BCAS1: variants seen among roughly 807,000 people sequenced by gnomAD.
The protein encoded by BCAS1 is breast carcinoma-amplified sequence 1.
A neutral mutation model predicts 65.4 loss-of-function variants in BCAS1; 46 were observed. The observed-to-expected ratio is 0.70, with a 90% CI of 0.55 to 0.90. BCAS1 has a LOEUF of 0.90. Among genes scored for constraint, BCAS1 ranks in the 40% least tolerant of loss-of-function variants. The probability of loss-of-function intolerance (pLI) is 0.00; values close to 1 mark genes in which losing one functional copy is unlikely to be tolerated. For missense variants in BCAS1, 793 were observed against 771.2 expected (o/e 1.03, Z -0.33); for synonymous variants, 298 against 293.5 (o/e 1.02, Z -0.16).
intron 4 of BCAS1, among the ~76,000 whole-genome samples, chr20:53,999,739 C>CT (rs937863449): frequency 6.6e-5 from 10 of 150,978 alleles, no homozygotes; most frequent in Admixed American, 2.6e-4. Flanking sequence ...TCACTTTTTT[C>CT]TTTTTTTTTG....
intron 6 of BCAS1, among the ~76,000 whole-genome samples, chr20:53,993,455 T>C (rs1297254824): frequency 6.6e-6 from 1 of 152,208 alleles, no homozygotes; most frequent in African/African-American, 2.4e-5. Flanking sequence ...ACAACCTACA[T>C]TCACAAAACC....
intron 12 of BCAS1, among the ~76,000 whole-genome samples, chr20:53,946,043 G>C (rs1476741514): frequency 1.3e-5 from 2 of 152,054 alleles, no homozygotes; most frequent in African/African-American, 4.8e-5. Context: ...CAAAGTGATG[G>C]AGTTACAGGT....
chr20:54,015,669 T>C (rs918319805), intron 4 of BCAS1, among the ~76,000 whole-genome samples: 3 of 152,228 alleles, frequency 2.0e-5, no homozygotes, highest in African/African-American at 4.8e-5. Flanking sequence ...TAAAAAGTTG[T>C]TATTCTTTCT....
rs73625490 is a variant in BCAS1 at position 53,976,423 on chromosome 20, A to AT, written c.1276-994dup. Among the ~76,000 whole-genome samples the AT allele has an allele frequency of 4.0e-3, 585 of 147,286 alleles. 3 individuals carry two copies. The highest frequency in any genetic ancestry group is 0.01 in the African/African-American group (404 of 40,312). ...TATATCCATTTTGTTACTAAGTCCT[A>AT]TTTTTTTTTTTCCTTTAAGGCATCC... is the stretch of plus-strand genomic sequence containing the variant. On this transcript the variant is annotated intron_variant, in intron 8 of 12. Coordinates refer to ENST00000688948, the MANE Select transcript of BCAS1 (RefSeq NM_001366298.2).
chr20:54,002,478 G>C (rs924483181), intron 4 of BCAS1, among the ~76,000 whole-genome samples: 9 of 152,316 alleles, frequency 5.9e-5, no homozygotes, highest in African/African-American at 2.2e-4. Context: ...GTTAATAGTA[G>C]AGAGTGTTGA....
intron 10 of BCAS1, among the ~76,000 whole-genome samples, chr20:53,963,532 A>C (rs543233786): frequency 6.6e-6 from 1 of 152,264 alleles, no homozygotes; most frequent in East Asian, 1.9e-4. Context: ...AAAGCAGAAA[A>C]TCAATGATTT....
At position 53,992,873 on chromosome 20, in the gene BCAS1, G is replaced by A. The variant is rs138243046; in HGVS notation, c.928-227C>T. Among the ~76,000 whole-genome samples, 1,071 of 152,134 alleles carry A rather than the reference G, an allele frequency of 7.0e-3. 10 individuals carry two copies. The highest frequency in any genetic ancestry group is 0.041 in the South Asian group (196 of 4,814). On this transcript the variant is annotated intron_variant, in intron 6 of 12. Transcript: ENST00000688948. ...AACAGTGACCTATTTAAATGACCCA[G>A]ATGAACACACCTCAAAGCAAGACAG...
At chr20:54,058,049 C>T (rs929616769) in intron 3 of BCAS1, 36 bp downstream of exon 3, 3 of 1,533,076 alleles carry the variant, frequency 2.0e-6, no homozygotes, top group African/African-American at 1.4e-5. Flanking sequence ...CCCTTCCCCA[C>T]GAGAGGGTAG....
chr20:54,011,535 C>A (rs193158028), intron 4 of BCAS1, among the ~76,000 whole-genome samples: 1 of 152,068 alleles, frequency 6.6e-6, no homozygotes, highest in African/African-American at 2.4e-5. Flanking sequence ...AAAACCATAA[C>A]GAGACATCAC....
intron 12 of BCAS1, among the ~76,000 whole-genome samples, chr20:53,951,789 G>A (rs969743164): frequency 1.3e-5 from 2 of 152,196 alleles, no homozygotes; most frequent in African/African-American, 4.8e-5. Context: ...ATCAACATCT[G>A]CCTTCCTCAC....
chr20:54,046,397 C>T (rs555757127), intron 3 of BCAS1, among the ~76,000 whole-genome samples: 20 of 151,920 alleles, frequency 1.3e-4, no homozygotes, highest in East Asian at 5.8e-4. Context: ...GGTGTGGTGG[C>T]GGGCACCTGT....
chr20:54,066,361 C>T (rs568931246), intron 1 of BCAS1, among the ~76,000 whole-genome samples: 5 of 152,206 alleles, frequency 3.3e-5, no homozygotes, highest in South Asian at 2.1e-4. Context: ...CGTGAGCCAC[C>T]GGGCCCGGCC....
intron 3 of BCAS1, among the ~76,000 whole-genome samples, chr20:54,031,223 C>T (rs1436153729): frequency 1.3e-5 from 2 of 151,430 alleles, no homozygotes; most frequent in Non-Finnish European, 3.0e-5. Context: ...CCATGGACAA[C>T]CTTTTTTATT....
chr20:53,953,787 A>T (rs2089608965), intron 11 of BCAS1, 92 bp from the exon 12 acceptor site: 2 of 1,412,020 alleles, frequency 1.4e-6, no homozygotes, highest in Admixed American at 4.9e-5. Flanking sequence ...AGATGTTCAA[A>T]TGTTGGGTGG....
rs773574860 is a variant in BCAS1, at chr20:54,058,643, C to G, written c.72+4G>C. ...TGATGCCCCTGTAATGGTTACTACA[C>G]TACCTGGTAAGTCTCTGCTTCTGGT... On this transcript the variant is annotated splice_donor_region_variant and intron_variant, in intron 2 of 12. Transcript: ENST00000688948. 4 of 1,498,952 alleles carry G rather than the reference C, an allele frequency of 2.7e-6. No individual in the cohort carries two copies. In the East Asian group the frequency reaches 7.3e-5, roughly 27 times the overall value. The allele number at this position is 1,498,952 out of a possible 1,614,324, so 92.9% of individuals were successfully genotyped here. A position where few individuals can be genotyped will look rare whatever the true frequency, so the allele number is the denominator to read the frequency against.
In BCAS1 at chr20:54,028,704, G is replaced by C; in HGVS notation, c.411C>G (p.Ser137Arg). Residue 137 changes from serine to arginine, a missense_variant, in exon 4 of 13, where the codon AGC becomes AGG. Transcript: ENST00000688948. ...GTCCAGCTGCCACCGGAAGTGTCCA[G>C]CTCTCACTTGGGTCTTTGTTCGCTG... ...KAPANKDPSE[S>R]WTLPVAAGPG... 6.2e-7 allele frequency: 1 copy of C among 1,614,202 alleles called. No individual in the cohort carries two copies.
Position 54,005,424 on chromosome 20 carries a change from G to T in BCAS1, c.724-9374C>A, listed in dbSNP as rs150290668. On this transcript the variant is annotated intron_variant, in intron 4 of 12. Coordinates refer to ENST00000688948, the MANE Select transcript of BCAS1 (RefSeq NM_001366298.2). ...AATTGCTTGAGCCAGGGAGGTCAAG[G>T]CTGCAGTGAGCTATGATTGTGCCAT... is the stretch of plus-strand genomic sequence containing the variant. 8.5e-3 allele frequency among the ~76,000 whole-genome samples: 1,288 copies of T among 152,252 alleles called. 15 individuals are homozygous for T. The highest frequency in any genetic ancestry group is 0.01 in the Non-Finnish European group (697 of 68,016).
At chr20:54,040,833 C>G (rs1175642388) in intron 3 of BCAS1, among the ~76,000 whole-genome samples, 1 of 151,174 alleles carries the variant, frequency 6.6e-6, no homozygotes, top group African/African-American at 2.4e-5. Context: ...CAATTCCATT[C>G]CTAGGTAAGC....
intron 8 of BCAS1, among the ~76,000 whole-genome samples, chr20:53,979,483 C>A (rs1246306091): frequency 6.6e-6 from 1 of 152,196 alleles, no homozygotes; most frequent in African/African-American, 2.4e-5. Context: ...GCGGGATTCT[C>A]CTTCCAGAGC....
Sources: gnomAD v4.1 joint callset for allele counts (sites outside exome capture counted in the v4.1 genomes callset) on GRCh38, gnomAD v4.1.1 for gene constraint, MANE v1.5 for transcripts, NCBI Gene and HGNC (gene_info 2026-07-23, HGNC 2026-07-21) for gene names.